Variants in IARS1 observed in about 807,000 individuals in gnomAD.
IARS1 encodes isoleucyl-tRNA synthetase 1.
Under a neutral mutation model 168.2 loss-of-function variants are expected in IARS1, and 124 were observed. The observed-to-expected ratio is 0.74, with a 90% CI of 0.64 to 0.86. IARS1 has a LOEUF of 0.86. IARS1 is among the 40% of genes least tolerant of loss of function. The pLI is 0.00. For missense variants in IARS1, 1,452 were observed against 1,515.8 expected (o/e 0.96, Z 0.70); for synonymous variants, 532 against 529.4 (o/e 1.00, Z -0.07).
chr9:92,229,118 A>G lies in IARS1; in HGVS notation c.3292T>C (p.Leu1098=). ...CANGSEQGGV[L]LLENPKGDNR... is the part of the protein sequence containing the mutation. ...TCACCTTTTGGATTTTCCAGGAGCA[A>G]TACTCCACCTAAAAAGCCACAAAAA... Residue 1098 remains leucine, a synonymous_variant, in exon 31 of 34, where the codon TTG becomes CTG. Coordinates refer to ENST00000443024, the MANE Select transcript of IARS1 (RefSeq NM_002161.6). The G allele has an allele frequency of 1.2e-6, 2 of 1,612,824 alleles. No individual in the cohort carries two copies. Among genetic ancestry groups the G allele is most frequent in the Non-Finnish European group, 1.7e-6 (2 of 1,179,500 alleles).
intron 7 of IARS1, among the ~76,000 whole-genome samples, chr9:92,278,731 A>C (rs1834106185): frequency 6.6e-6 from 1 of 152,132 alleles, no homozygotes; most frequent in Non-Finnish European, 1.5e-5. Flanking sequence ...TTATTTTTCT[A>C]ATTGAGGTAA....
At position 92,210,575 on chromosome 9, in the gene IARS1, A is replaced by G; in HGVS notation, c.*232T>C. The G allele has an allele frequency of 2.4e-6, 1 of 423,150 alleles. No homozygotes were observed. The highest frequency in any genetic ancestry group is 4.3e-6 in the Non-Finnish European group (1 of 235,040). 26.2% of individuals were successfully genotyped at this position (423,150 alleles called of 1,614,324 possible). A position where few individuals can be genotyped will look rare whatever the true frequency, so the allele number is the denominator to read the frequency against. On this transcript the variant is annotated 3_prime_UTR_variant, in exon 34 of 34. Coordinates refer to ENST00000443024, the MANE Select transcript of IARS1 (RefSeq NM_002161.6). The stretch of plus-strand genomic sequence containing the variant: ...AACTGTGGGCTGAAGTAACATTGTA[A>G]CCTGCTCCCAACATGACTGCATAGG...
chr9:92,229,011 A>G lies in IARS1; in HGVS notation c.3399T>C (p.His1133=), dbSNP rs1457994426. 1 of 1,614,102 alleles carries G rather than the reference A, an allele frequency of 6.2e-7. No homozygotes were observed. The highest frequency in any genetic ancestry group is 8.5e-7 in the Non-Finnish European group (1 of 1,180,012). ...GVKNTELAVF[H]DETEIQNQTD... is the part of the protein sequence containing the mutation. ...TCACTTTCCACATACCTGTTTCATC[A>G]TGGAAGACAGCCAGCTCTGTATTTT... The change falls in exon 31 of 34, where the codon CAT becomes CAC. Residue 1133 remains histidine, a synonymous_variant. Coordinates refer to ENST00000443024, the MANE Select transcript of IARS1 (RefSeq NM_002161.6).
intron 26 of IARS1, 77 bp downstream of exon 26, chr9:92,247,300 A>C (rs1212560590): frequency 7.3e-7 from 1 of 1,373,278 alleles, no homozygotes; most frequent in Non-Finnish European, 1.0e-6. Context: ...ATGTGATATT[A>C]AAAGTCAAAC....
At chr9:92,246,061 T>C (rs890030938) in intron 26 of IARS1, among the ~76,000 whole-genome samples, 6 of 151,970 alleles carry the variant, frequency 3.9e-5, no homozygotes, top group Admixed American at 3.9e-4. Flanking sequence ...CAGGCATGAG[T>C]CACCACCCCC....
At chr9:92,260,357 A>C in intron 17 of IARS1, 123 bp from the exon 18 acceptor site, 2 of 750,852 alleles carry the variant, frequency 2.7e-6, no homozygotes, top group East Asian at 2.6e-5. Context: ...TAACTTAGAT[A>C]GAAGTTAGTG....
chr9:92,249,356 A>G (rs1829685207), intron 25 of IARS1, among the ~76,000 whole-genome samples: 1 of 152,180 alleles, frequency 6.6e-6, no homozygotes, highest in South Asian at 2.1e-4. Flanking sequence ...GTTTGAGACC[A>G]ACCTGGCCAA....
chr9:92,278,229 T>TG lies in IARS1; in HGVS notation c.802_803insC (p.Lys268ThrfsTer5). 6.2e-7 allele frequency: 1 copy of TG among 1,611,812 alleles called. No individual in the cohort carries two copies. ...AAGGATCTCATAGTCACTCTCCAAT[T>TG]TATAGAGGGCTGACAATCTGGCTTC... On this transcript the variant is annotated frameshift_variant, in exon 8 of 34. Transcript: ENST00000443024. LOFTEE classifies it high-confidence loss of function.
chr9:92,292,950 C>G (rs970116160), intron 1 of IARS1, among the ~76,000 whole-genome samples: 1 of 152,140 alleles, frequency 6.6e-6, no homozygotes, highest in Non-Finnish European at 1.5e-5. Context: ...TTTGAGTCAC[C>G]CCTGACACTA....
At chr9:92,227,059 C>T (rs1200453012) in intron 31 of IARS1, among the ~76,000 whole-genome samples, 35 of 135,692 alleles carry the variant, frequency 2.6e-4, no homozygotes, top group African/African-American at 8.7e-4. Flanking sequence ...CATCTTGCAC[C>T]GCCCTTAATC....
chr9:92,212,565 G>A (rs1401972805), intron 33 of IARS1, among the ~76,000 whole-genome samples: 6 of 152,216 alleles, frequency 3.9e-5, no homozygotes, highest in African/African-American at 1.4e-4. Flanking sequence ...TTGCTTGCAA[G>A]AACAAGTGAG....
intron 20 of IARS1, among the ~76,000 whole-genome samples, chr9:92,255,239 G>A (rs1434731225): frequency 3.3e-5 from 5 of 152,226 alleles, no homozygotes; most frequent in Admixed American, 2.6e-4. Context: ...TGGGGCAGCA[G>A]CGCCTACTCC....
Position 92,251,853 on chromosome 9 carries a change from G to C in IARS1, c.2262C>G (p.Ala754=), listed in dbSNP as rs755619915. The change falls in exon 22 of 34, where the codon GCC becomes GCG. Residue 754 remains alanine, a synonymous_variant. Transcript: ENST00000443024. ...GCAGAACACTAAACAAGGTTTCTAG[G>C]GCCATGACACAATCCTCCATCCCAT... ...GENGMEDCVM[A]LETLFSVLLS... is the part of the protein sequence containing the mutation. The C allele has an allele frequency of 1.2e-6, 2 of 1,613,574 alleles. No homozygotes were observed. Among genetic ancestry groups the C allele is most frequent in the Admixed American group, 3.3e-5 (2 of 60,006 alleles).
Position 92,251,775 on chromosome 9 carries a change from C to T in IARS1, c.2307+33G>A, listed in dbSNP as rs181691073. On this transcript the variant is annotated intron_variant, in intron 22 of 33. Coordinates refer to ENST00000443024, the MANE Select transcript of IARS1 (RefSeq NM_002161.6). ...TAGGTGCTGAAGGCAGCCCATAGGCCAAAGGGTACTAGAAAGAAGCCAATC... is the reference window on the plus strand; with the variant it reads ...TAGGTGCTGAAGGCAGCCCATAGGCTAAAGGGTACTAGAAAGAAGCCAATC... The T allele has an allele frequency of 1.9e-6, 3 of 1,552,324 alleles. No individual in the cohort carries two copies. The East Asian group carries it at 6.7e-5, about 35-fold the overall frequency.
rs753097660 is a variant in IARS1, at chr9:92,223,445, G to A, written c.3454C>T (p.Leu1152Phe). 3.1e-6 allele frequency: 5 copies of A among 1,613,984 alleles called. No individual in the cohort carries two copies. The South Asian group carries it at 5.5e-5, about 18-fold the overall frequency. ...GGAGCCGATCCTGCAGTCACACAAA[G>A]TGTTTTTCCACTAAGACTCAGTAAG... ...TDLLSLSGKT[L>F]CVTAGSAPSL... The change falls in exon 32 of 34, where the codon CTT becomes TTT. Residue 1152 changes from leucine (L) to phenylalanine (F), a missense_variant. By Grantham distance (22) the Leu-to-Phe change is conservative. Coordinates refer to ENST00000443024, the MANE Select transcript of IARS1 (RefSeq NM_002161.6).
At chr9:92,249,343 GGAGTTT>G (rs1422424216) in intron 25 of IARS1, among the ~76,000 whole-genome samples, 1 of 152,198 alleles carries the variant, frequency 6.6e-6, no homozygotes, top group Non-Finnish European at 1.5e-5. Context: ...CTTGAGGTCA[GGAGTTT>G]GAGACCAACC....
intron 21 of IARS1, among the ~76,000 whole-genome samples, chr9:92,252,166 G>A (rs1242464092): frequency 6.6e-6 from 1 of 152,152 alleles, no homozygotes; most frequent in Non-Finnish European, 1.5e-5. Context: ...GAGCCTAACT[G>A]TAGGACCCGA....
intron 4 of IARS1, among the ~76,000 whole-genome samples, chr9:92,287,101 C>G (rs1450827385): frequency 6.6e-6 from 1 of 152,194 alleles, no homozygotes; most frequent in Non-Finnish European, 1.5e-5. Flanking sequence ...CACATGCCAC[C>G]TGATATAATG....
rs754117047 is a variant in IARS1, at chr9:92,223,461, A to G, written c.3438T>C (p.Ser1146=). The G allele has an allele frequency of 4.8e-5, 77 of 1,613,736 alleles. No homozygotes were observed. Among genetic ancestry groups the G allele is most frequent in the Non-Finnish European group, 6.4e-5 (76 of 1,179,874 alleles). Reference sequence around the variant, plus strand: ...TCACACAAAGTGTTTTTCCACTAAGACTCAGTAAGTCAGTTTGGTTTTGTA... The same window carrying G: ...TCACACAAAGTGTTTTTCCACTAAGGCTCAGTAAGTCAGTTTGGTTTTGTA... ...TEIQNQTDLL[S]LSGKTLCVTA... The change falls in exon 32 of 34, where the codon AGT becomes AGC. Residue 1146 remains serine (S), a synonymous_variant. Coordinates refer to ENST00000443024, the MANE Select transcript of IARS1 (RefSeq NM_002161.6).
Sources: allele counts gnomAD v4.1 joint callset (sites outside exome capture counted in the v4.1 genomes callset), GRCh38; gene constraint gnomAD v4.1.1; transcripts MANE v1.5; gene names NCBI Gene and HGNC (gene_info 2026-07-23, HGNC 2026-07-21).